Variants in DOCK11 observed in about 807,000 individuals in gnomAD.
DOCK11 encodes dedicator of cytokinesis 11.
DOCK11 carries 70 observed loss-of-function variants against 169.1 expected under a neutral mutation model. That is an observed-to-expected ratio of 0.41 (90% confidence interval 0.34 to 0.51). The LOEUF is 0.51. Ranked by LOEUF, DOCK11 falls within the 20% of genes least tolerant of loss-of-function variation. The pLI is 0.10. For missense variants in DOCK11, 1,166 were observed against 1,538.8 expected (o/e 0.76, Z 4.05); for synonymous variants, 529 against 541.3 (o/e 0.98, Z 0.32).
At chrX:118,628,322 C>T (rs2015158242) in intron 34 of DOCK11, 50 bp downstream of exon 34, 2 of 890,088 alleles carry the variant, frequency 2.2e-6, no homozygotes, top group Admixed American at 2.5e-5. Flanking sequence ...TAGCCTGCAA[C>T]AATTTTTTTA....
chrX:118,563,532 T>C (rs2012977387), intron 7 of DOCK11, among the ~76,000 whole-genome samples: 2 of 109,596 alleles, frequency 1.8e-5, no homozygotes, highest in South Asian at 7.7e-4. Context: ...GTGAATAAAA[T>C]GTGCTTATAT....
At chrX:118,541,310 C>G (rs2011993176) in intron 1 of DOCK11, among the ~76,000 whole-genome samples, 1 of 111,874 alleles carries the variant, frequency 8.9e-6, no homozygotes, top group African/African-American at 3.3e-5. Context: ...GCATGCATGA[C>G]AGCTGTGGGT....
At position 118,495,919 on chromosome X, in the gene DOCK11, C is replaced by T; in HGVS notation, c.-53C>T. 2.3e-6 allele frequency: 2 copies of T among 885,084 alleles called. No homozygotes were observed. The highest frequency in any genetic ancestry group is 2.9e-6 in the Non-Finnish European group (2 of 691,125). 72.9% of individuals were successfully genotyped at this position (885,084 alleles called of 1,213,427 possible). A position where few individuals can be genotyped will look rare whatever the true frequency, so the allele number is the denominator to read the frequency against. On this transcript the variant is annotated 5_prime_UTR_variant, in exon 1 of 53. Transcript: ENST00000276202. ...CCGCCGCGGGCCGGGGCAGTGAGTC[C>T]ACCCGCCCGCCGAGGTCCGCCCGCC...
intron 1 of DOCK11, among the ~76,000 whole-genome samples, chrX:118,503,410 A>AT (rs1569401310): frequency 1.8e-5 from 2 of 111,931 alleles, no homozygotes. Flanking sequence ...GGGAGAAGAC[A>AT]TAAGAAACAT....
intron 1 of DOCK11, among the ~76,000 whole-genome samples, chrX:118,499,423 C>T (rs6655476): frequency 0.44 from 48,445 of 110,340 alleles, 7,996 homozygotes; most frequent in Middle Eastern, 0.57. Flanking sequence ...CGCAGCGTCC[C>T]CTGGCTGGCA....
chrX:118,576,568 A>G (rs1228566165), intron 12 of DOCK11, among the ~76,000 whole-genome samples: 2 of 111,896 alleles, frequency 1.8e-5, no homozygotes, highest in Non-Finnish European at 3.8e-5. Flanking sequence ...ACCTGTCTCC[A>G]AGGGCTGTGG....
chrX:118,531,477 T>C (rs1444490978), intron 1 of DOCK11, among the ~76,000 whole-genome samples: 2 of 103,275 alleles, frequency 1.9e-5, no homozygotes, highest in African/African-American at 7.1e-5. Flanking sequence ...AGTAATTTTA[T>C]GTTTTACTTT....
intron 32 of DOCK11, among the ~76,000 whole-genome samples, chrX:118,626,887 CCTT>C (rs2015118519): frequency 8.9e-6 from 1 of 112,461 alleles, no homozygotes; most frequent in African/African-American, 3.2e-5. Context: ...TGGTCACACA[CCTT>C]CTTCTAGCAT....
At chrX:118,578,046 T>C (rs1300224243) in intron 12 of DOCK11, among the ~76,000 whole-genome samples, 1 of 112,327 alleles carries the variant, frequency 8.9e-6, no homozygotes, top group African/African-American at 3.2e-5. Flanking sequence ...GTCTCCTACC[T>C]TTGCATTGGA....
At chrX:118,607,406 T>C (rs189034056) in intron 24 of DOCK11, among the ~76,000 whole-genome samples, 15 of 95,664 alleles carry the variant, frequency 1.6e-4, no homozygotes, top group African/African-American at 5.7e-4. Flanking sequence ...TGAGCCACCG[T>C]GCCGGGCCTT....
chrX:118,562,258 C>T (rs1413999690), intron 7 of DOCK11, among the ~76,000 whole-genome samples: 1 of 110,811 alleles, frequency 9.0e-6, no homozygotes, highest in Non-Finnish European at 1.9e-5. Flanking sequence ...CTAGAAAGCT[C>T]AGAATCCTCT....
At chrX:118,623,400 C>T (rs1028735491) in intron 31 of DOCK11, among the ~76,000 whole-genome samples, 3 of 112,377 alleles carry the variant, frequency 2.7e-5, no homozygotes, top group Admixed American at 9.4e-5. Flanking sequence ...ACCCATGAAA[C>T]GGCTTGAGTT....
At chrX:118,604,510 A>AG (rs2014436160) in intron 23 of DOCK11, among the ~76,000 whole-genome samples, 1 of 80,868 alleles carries the variant, frequency 1.2e-5, no homozygotes, top group South Asian at 7.9e-4. Context: ...ATGCTCAGCG[A>AG]GGTTTGTTTC....
intron 16 of DOCK11, 59 bp from the exon 17 acceptor site, chrX:118,588,078 G>A: frequency 2.1e-6 from 2 of 939,869 alleles, no homozygotes; most frequent in Non-Finnish European, 2.9e-6. Context: ...TATACATGCA[G>A]GAATGTGTTA....
chrX:118,600,707 CAG>C (rs2014311226), intron 23 of DOCK11, among the ~76,000 whole-genome samples: 2 of 110,171 alleles, frequency 1.8e-5, no homozygotes, highest in Non-Finnish European at 3.8e-5. Flanking sequence ...TTAAAGTGGC[CAG>C]AGAAAATCTC....
intron 45 of DOCK11, among the ~76,000 whole-genome samples, chrX:118,668,505 A>T (rs966701073): frequency 9.0e-6 from 1 of 111,077 alleles, no homozygotes; most frequent in Non-Finnish European, 1.9e-5. Context: ...AATTGCTGGA[A>T]ATTTTAATTT....
chrX:118,617,755 C>T (rs1339617150), intron 30 of DOCK11, among the ~76,000 whole-genome samples: 2 of 109,426 alleles, frequency 1.8e-5, no homozygotes, highest in African/African-American at 6.7e-5. Context: ...TGGTGGTGCA[C>T]GTCTATAGTC....
chrX:118,675,329 T>G (rs1278728833), intron 46 of DOCK11, among the ~76,000 whole-genome samples: 2 of 112,337 alleles, frequency 1.8e-5, no homozygotes, highest in East Asian at 5.5e-4. Context: ...ACCTGAGGGC[T>G]CAAGCAAAGC....
intron 39 of DOCK11, 64 bp downstream of exon 39, chrX:118,641,369 T>C: frequency 1.2e-6 from 1 of 819,431 alleles, no homozygotes; most frequent in South Asian, 2.2e-5. Flanking sequence ...AGAAATTACC[T>C]AGTCAATGTG....
Sources: gnomAD v4.1 joint callset for allele counts (sites outside exome capture counted in the v4.1 genomes callset) on GRCh38, gnomAD v4.1.1 for gene constraint, MANE v1.5 for transcripts, NCBI Gene and HGNC (gene_info 2026-07-23, HGNC 2026-07-21) for gene names.